The following MAML2 variants were observed in gnomAD, a reference collection of about 807,000 sequenced individuals.
MAML2 encodes the protein mastermind like transcriptional coactivator 2.
MAML2 carries 22 observed loss-of-function variants against 96.1 expected under a neutral mutation model. The ratio of observed to expected loss-of-function variants is 0.23; its 90% CI spans 0.16 to 0.33. MAML2 has a LOEUF of 0.33. MAML2 is among the 10% of genes least tolerant of loss of function. The pLI is 1.00. For missense variants in MAML2, 1,367 were observed against 1,392.4 expected (o/e 0.98, Z 0.29); for synonymous variants, 561 against 521.3 (o/e 1.08, Z -1.04).
At chr11:96,043,163 C>T (rs1001812189) in intron 2 of MAML2, among the ~76,000 whole-genome samples, 4 of 152,154 alleles carry the variant, frequency 2.6e-5, no homozygotes, top group Admixed American at 2.6e-4. Flanking sequence ...ACTTTTATAT[C>T]AACGGAAGGA....
At chr11:96,261,306 A>G (rs190033782) in intron 1 of MAML2, among the ~76,000 whole-genome samples, 2 of 152,252 alleles carry the variant, frequency 1.3e-5, no homozygotes, top group Non-Finnish European at 1.5e-5. Flanking sequence ...AAGGCTATCA[A>G]CAGATGCAGC....
chr11:96,090,890 C>T (rs1413015197), intron 2 of MAML2, among the ~76,000 whole-genome samples: 4 of 152,196 alleles, frequency 2.6e-5, no homozygotes, highest in South Asian at 2.1e-4. Flanking sequence ...TCTGCACCAT[C>T]GCACTGTCCT....
chr11:96,144,184 C>T (rs2135869418), intron 1 of MAML2, among the ~76,000 whole-genome samples: 1 of 152,248 alleles, frequency 6.6e-6, no homozygotes, highest in Admixed American at 6.5e-5. Context: ...CTTTTACTAA[C>T]CAGGTAAAAC....
At chr11:95,998,141 AGTCTGTCTGTCT>A (rs200511361) in intron 2 of MAML2, among the ~76,000 whole-genome samples, 28 of 143,652 alleles carry the variant, frequency 1.9e-4, no homozygotes, top group Admixed American at 1.7e-3. Flanking sequence ...TCTGTCTGTC[AGTCTGTCTGTCT>A]GTCTGTCTGT....
At chr11:96,199,463 A>G (rs1476890478) in intron 1 of MAML2, among the ~76,000 whole-genome samples, 2 of 151,572 alleles carry the variant, frequency 1.3e-5, no homozygotes, top group Admixed American at 6.6e-5. Flanking sequence ...ATTATTTTGC[A>G]TTTTCTATCA....
At chr11:96,195,427 C>T (rs1019744868) in intron 1 of MAML2, among the ~76,000 whole-genome samples, 3 of 152,162 alleles carry the variant, frequency 2.0e-5, no homozygotes, top group African/African-American at 7.2e-5. Context: ...CCATCAAGAA[C>T]CCAGGGATTG....
rs77237592 is a variant in MAML2, at chr11:96,060,295, A to G, written c.2139+31597T>C. Reference sequence around the variant, plus strand: ...TTTCAGAAAAACTAGTAAATTTTACAGTACAGTAAACCAGTGATGTTTCTA... The same window carrying G: ...TTTCAGAAAAACTAGTAAATTTTACGGTACAGTAAACCAGTGATGTTTCTA... On this transcript the variant is annotated intron_variant, in intron 2 of 4. Coordinates refer to ENST00000524717, the MANE Select transcript of MAML2 (RefSeq NM_032427.4). Among the ~76,000 whole-genome samples the G allele has an allele frequency of 8.4e-3, 1,277 of 152,360 alleles. 12 individuals are homozygous for G. The highest frequency in any genetic ancestry group is 0.029 in the African/African-American group (1,202 of 41,570).
At chr11:96,094,951 C>A (rs1372008725) in intron 1 of MAML2, among the ~76,000 whole-genome samples, 1 of 152,162 alleles carries the variant, frequency 6.6e-6, no homozygotes, top group Non-Finnish European at 1.5e-5. Context: ...GTATATATTA[C>A]ATATCAAACA....
At chr11:96,001,160 C>A (rs1366258272) in intron 2 of MAML2, among the ~76,000 whole-genome samples, 1 of 152,030 alleles carries the variant, frequency 6.6e-6, no homozygotes, top group Non-Finnish European at 1.5e-5. Context: ...CAGATGTTAC[C>A]CAATTTTTAA....
At chr11:96,254,116 G>C (rs578146016) in intron 1 of MAML2, among the ~76,000 whole-genome samples, 2 of 152,120 alleles carry the variant, frequency 1.3e-5, no homozygotes, top group South Asian at 4.1e-4. Context: ...ACAGGGGAAA[G>C]TGATTTGATG....
chr11:96,076,136 C>A (rs571744848), intron 2 of MAML2, among the ~76,000 whole-genome samples: 1 of 152,136 alleles, frequency 6.6e-6, no homozygotes, highest in Non-Finnish European at 1.5e-5. Flanking sequence ...AGGTGTGATC[C>A]TCATAGTCGT....
At chr11:96,322,572 T>G (rs1273101278) in intron 1 of MAML2, among the ~76,000 whole-genome samples, 4 of 151,834 alleles carry the variant, frequency 2.6e-5, no homozygotes, top group Non-Finnish European at 4.4e-5. Flanking sequence ...GGCGCCTGTA[T>G]TCCCAGCTCC....
chr11:96,141,363 C>T (rs771595956), intron 1 of MAML2, among the ~76,000 whole-genome samples: 3 of 152,162 alleles, frequency 2.0e-5, no homozygotes, highest in Admixed American at 6.5e-5. Flanking sequence ...GGACCCTTGA[C>T]ATCTCCCCTG....
intron 1 of MAML2, among the ~76,000 whole-genome samples, chr11:96,334,592 C>G (rs1189541215): frequency 6.6e-6 from 1 of 152,006 alleles, no homozygotes; most frequent in Non-Finnish European, 1.5e-5. Flanking sequence ...TCTAACCCCA[C>G]TCACCTCCCG....
At chr11:96,161,409 C>T (rs932571225) in intron 1 of MAML2, among the ~76,000 whole-genome samples, 1 of 152,162 alleles carries the variant, frequency 6.6e-6, no homozygotes, top group Non-Finnish European at 1.5e-5. Flanking sequence ...CAGAACAGCC[C>T]GGATCTTTTT....
intron 1 of MAML2, among the ~76,000 whole-genome samples, chr11:96,237,982 C>G (rs1373655898): frequency 6.6e-6 from 1 of 152,226 alleles, no homozygotes; most frequent in East Asian, 1.9e-4. Context: ...CTGCTTTGTT[C>G]TGCCTGTATG....
At chr11:96,277,121 A>G (rs1018696876) in intron 1 of MAML2, among the ~76,000 whole-genome samples, 6 of 152,220 alleles carry the variant, frequency 3.9e-5, no homozygotes, top group Admixed American at 2.6e-4. Context: ...TACTCAGTAT[A>G]AAAAAGAGAG....
chr11:95,996,382 C>T (rs1857991028), intron 2 of MAML2, among the ~76,000 whole-genome samples: 1 of 152,092 alleles, frequency 6.6e-6, no homozygotes, highest in African/African-American at 2.4e-5. Context: ...GTCTCTTTCT[C>T]TCTCTAATCA....
chr11:96,328,001 C>G lies in MAML2; in HGVS notation c.513+13382G>C, dbSNP rs1863808129. ...GTCCCAGCTACTCGGGAGGCTAAGG[C>G]AGGAGAATCACTTCAACCCGGGGGG... is the stretch of plus-strand genomic sequence containing the variant. On this transcript the variant is annotated intron_variant, in intron 1 of 4. Coordinates refer to ENST00000524717, the MANE Select transcript of MAML2 (RefSeq NM_032427.4). Among the ~76,000 whole-genome samples the G allele has an allele frequency of 2.0e-5, 3 of 151,992 alleles. 1 individual carries two copies. In the South Asian group the frequency reaches 6.2e-4, roughly 32 times the overall value.
Sources: gnomAD v4.1 joint callset for allele counts (sites outside exome capture counted in the v4.1 genomes callset) on GRCh38, gnomAD v4.1.1 for gene constraint, MANE v1.5 for transcripts, NCBI Gene and HGNC (gene_info 2026-07-23, HGNC 2026-07-21) for gene names.